PTCH1: variants seen among roughly 807,000 people sequenced by gnomAD.
The protein encoded by PTCH1 is protein patched homolog 1.
In PTCH1, 14 loss-of-function variants were observed where a neutral mutation model predicts 144.6. That is an observed-to-expected ratio of 0.10 (90% CI 0.06 to 0.15). The LOEUF (loss-of-function observed/expected upper bound fraction) is 0.15. Ranked by LOEUF, PTCH1 falls within the 10% of genes least tolerant of loss-of-function variation. PTCH1 has a pLI of 1.00. For missense variants in PTCH1, 1,623 were observed against 1,948.3 expected (o/e 0.83, Z 3.14); for synonymous variants, 833 against 793.6 (o/e 1.05, Z -0.83).
rs1390035357 is a variant in PTCH1 at position 95,445,771 on chromosome 9, T to C, written c.*622A>G. ...ACAGTACATGGTGAACTCACACACG[T>C]GTTCACACGCACAGCCAAACAAGAG... On this transcript the variant is annotated 3_prime_UTR_variant, in exon 24 of 24. Transcript: ENST00000331920. The C allele has an allele frequency of 1.9e-5, 3 of 154,282 alleles. No individual in the cohort carries two copies. Among genetic ancestry groups the C allele is most frequent in the Admixed American group, 1.9e-4 (3 of 15,524 alleles). The allele number at this position is 154,282 out of a possible 1,614,324, so 9.6% of individuals were successfully genotyped here.
At chr9:95,512,152 TG>T (rs5899252), upstream of PTCH1, among the ~76,000 whole-genome samples, 5 of 152,376 alleles carry the variant, frequency 3.3e-5, no homozygotes, top group South Asian at 1.0e-3. Context: ...GTCATTTCAG[TG>T]GCAAAGCCTC....
upstream of PTCH1, among the ~76,000 whole-genome samples, chr9:95,509,883 G>A (rs1489363175): frequency 6.6e-6 from 1 of 151,998 alleles, no homozygotes; most frequent in Non-Finnish European, 1.5e-5. Context: ...GCTCTTGCAG[G>A]GAACAACGCC....
At position 95,476,953 on chromosome 9, in the gene PTCH1, CT is replaced by C; in HGVS notation, c.1504-97del. On this transcript the variant is annotated intron_variant, in intron 10 of 23. Transcript: ENST00000331920. The surrounding 1 kb of genome is among the most constrained non-coding windows in gnomAD (Gnocchi z 4.6). ...GGACTCTGCCACCAGCACCTAACAG[CT>C]CCTGAAGCAGGGCTTCCGTAACCTC... 1 of 1,168,948 alleles carries C rather than the reference CT, an allele frequency of 8.6e-7. No individual in the cohort carries two copies. Among genetic ancestry groups the C allele is most frequent in the Non-Finnish European group, 1.3e-6 (1 of 795,644 alleles). The allele number at this position is 1,168,948 out of a possible 1,614,324, so 72.4% of individuals were successfully genotyped here. A position where few individuals can be genotyped will look rare whatever the true frequency, so the allele number is the denominator to read the frequency against.
chr9:95,505,486 ATGTT>A (rs747844170), intron 2 of PTCH1, among the ~76,000 whole-genome samples: 11 of 152,182 alleles, frequency 7.2e-5, no homozygotes, highest in Non-Finnish European at 1.6e-4. Context: ...TAATGTAAAA[ATGTT>A]TGTCTTCGAA....
At position 95,461,931 on chromosome 9, in the gene PTCH1, T is replaced by C. The variant is rs1839511116; in HGVS notation, c.2628A>G (p.Gly876=). ...GKIMPNNYKN[G]SDDGVLAYKL... is the part of the protein sequence containing the mutation. ...TGTAGGCAAGGACTCCATCGTCTGA[T>C]CCATTCTTGTAATTGTTTGGCATGA... The change falls in exon 16 of 24, where the codon GGA becomes GGG. Residue 876 remains glycine, a synonymous_variant. Transcript: ENST00000331920. The C allele has an allele frequency of 6.2e-7, 1 of 1,614,252 alleles. No homozygotes were observed. The highest frequency in any genetic ancestry group is 1.1e-5 in the South Asian group (1 of 91,090).
At position 95,449,379 on chromosome 9, in the gene PTCH1, A is replaced by G; in HGVS notation, c.3550-56T>C. The G allele has an allele frequency of 3.9e-6, 6 of 1,536,630 alleles. No individual in the cohort carries two copies. The highest frequency in any genetic ancestry group is 5.2e-6 in the Non-Finnish European group (6 of 1,146,084). On this transcript the variant is annotated intron_variant, in intron 21 of 23. Transcript: ENST00000331920. The surrounding 1 kb of genome is among the most constrained non-coding windows in gnomAD (Gnocchi z 5.3). ...TCTTGTCCATTTACCTGCTGGCCAC[A>G]CTCAAAGCTCAAAGCACGGTATTTT...
chr9:95,466,803 C>A (rs908583363), intron 15 of PTCH1, among the ~76,000 whole-genome samples: 1 of 152,180 alleles, frequency 6.6e-6, no homozygotes. Context: ...AACTAGCCAC[C>A]GTCTATCCAA....
intron 19 of PTCH1, among the ~76,000 whole-genome samples, chr9:95,455,771 A>G (rs950020849): frequency 6.6e-6 from 1 of 152,136 alleles, no homozygotes; most frequent in African/African-American, 2.4e-5. Flanking sequence ...GGGCTGAACA[A>G]TGGAGCCTCC....
At chr9:95,466,903 T>A (rs560932063) in intron 15 of PTCH1, among the ~76,000 whole-genome samples, 1 of 152,310 alleles carries the variant, frequency 6.6e-6, no homozygotes, top group Non-Finnish European at 1.5e-5. Flanking sequence ...CAGAAGCTCA[T>A]CTGAATTATC....
In PTCH1 at chr9:95,456,367, C is replaced by T. The variant is rs2136649396; in HGVS notation, c.3215G>A (p.Gly1072Asp). 1 of 1,614,116 alleles carries T rather than the reference C, an allele frequency of 6.2e-7. No homozygotes were observed. The highest frequency in any genetic ancestry group is 8.5e-7 in the Non-Finnish European group (1 of 1,180,038). ...LMTVELFGMM[G>D]LIGIKLSAVP... is the part of the protein sequence containing the mutation. ...GGCACTGAGCTTGATTCCGATGAGG[C>T]CCATCATGCCGAACAGCTCGACCGT... is the stretch of plus-strand genomic sequence containing the variant. The change falls in exon 19 of 24, where the codon GGC becomes GAC. Residue 1072 changes from glycine (G) to aspartate (D), a missense_variant. Gly to Asp is a moderately conservative substitution (Grantham distance 94, BLOSUM62 -1). This residue lies in a region of PTCH1 where 504 missense variants were observed against 679.3 expected (regional missense o/e 0.74). Coordinates refer to ENST00000331920, the MANE Select transcript of PTCH1 (RefSeq NM_000264.5).
At chr9:95,471,906 G>A (rs528555533) in intron 12 of PTCH1, among the ~76,000 whole-genome samples, 2 of 152,192 alleles carry the variant, frequency 1.3e-5, no homozygotes, top group South Asian at 2.1e-4. Context: ...GCGTGGTGGC[G>A]CATGCCTGTA....
intron 15 of PTCH1, among the ~76,000 whole-genome samples, chr9:95,463,275 G>A (rs575839327): frequency 6.6e-6 from 1 of 151,978 alleles, no homozygotes; most frequent in Admixed American, 6.5e-5. Flanking sequence ...TCTAAGAAGC[G>A]AAACCCTCCT....
At chr9:95,507,317 G>A in intron 1 of PTCH1, 1 of 985,502 alleles carries the variant, frequency 1.0e-6, no homozygotes, top group Non-Finnish European at 1.2e-6. Flanking sequence ...ACAGCCGAGT[G>A]CAAAGGGAAG....
At chr9:95,489,680 T>C (rs1435340918) in intron 2 of PTCH1, among the ~76,000 whole-genome samples, 1 of 151,796 alleles carries the variant, frequency 6.6e-6, no homozygotes, top group Non-Finnish European at 1.5e-5. Flanking sequence ...ATTTTTAAAA[T>C]AATCTAATGT....
At chr9:95,460,682 C>T (rs948876820) in intron 16 of PTCH1, among the ~76,000 whole-genome samples, 11 of 152,174 alleles carry the variant, frequency 7.2e-5, no homozygotes, top group African/African-American at 2.7e-4. Context: ...TGCATGTCCT[C>T]AACACATCCC....
At position 95,461,925 on chromosome 9, in the gene PTCH1, G is replaced by T. The variant is rs771732591; in HGVS notation, c.2634C>A (p.Asp878Glu). The T allele has an allele frequency of 2.1e-5, 34 of 1,614,118 alleles. No homozygotes were observed. The highest frequency in any genetic ancestry group is 2.9e-5 in the Non-Finnish European group (34 of 1,180,030). The change falls in exon 16 of 24, where the codon GAC (aspartate) becomes GAA (glutamate). Residue 878 changes from aspartate (D) to glutamate (E), a missense_variant. Coordinates refer to ENST00000331920, the MANE Select transcript of PTCH1 (RefSeq NM_000264.5). ...GGAGTTTGTAGGCAAGGACTCCATC[G>T]TCTGATCCATTCTTGTAATTGTTTG... Reference protein sequence around the residue: ...IMPNNYKNGSDDGVLAYKLLV... With the variant: ...IMPNNYKNGSEDGVLAYKLLV...
intron 2 of PTCH1, among the ~76,000 whole-genome samples, chr9:95,491,837 A>G (rs958888673): frequency 3.3e-5 from 5 of 152,230 alleles, no homozygotes; most frequent in Non-Finnish European, 7.3e-5. Context: ...TCATGTAATC[A>G]GTCACAGTCA....
chr9:95,492,950 T>C (rs1403717045), intron 2 of PTCH1, among the ~76,000 whole-genome samples: 1 of 152,136 alleles, frequency 6.6e-6, no homozygotes, highest in African/African-American at 2.4e-5. Flanking sequence ...CCTCTTTACC[T>C]GCAAATTCTG....
intron 2 of PTCH1, 23 bp downstream of exon 2, chr9:95,506,384 G>T (rs2118872131): frequency 6.2e-7 from 1 of 1,607,608 alleles, no homozygotes. Flanking sequence ...CGGGGGCGCG[G>T]GCGCCGCGGC....
Sources: gnomAD v4.1 joint callset for allele counts (sites outside exome capture counted in the v4.1 genomes callset) on GRCh38, gnomAD v4.1.1 for gene constraint, gnomAD v4.1.1 regional missense constraint, Gnocchi (gnomAD v3.1) non-coding constraint, MANE v1.5 for transcripts, NCBI Gene and HGNC (gene_info 2026-07-23, HGNC 2026-07-21) for gene names.